TBL1X: variants seen among roughly 807,000 people sequenced by gnomAD.
TBL1X encodes transducin beta like 1 X-linked.
Under a neutral mutation model 50.7 loss-of-function variants are expected in TBL1X, and 10 were observed. The ratio of observed to expected loss-of-function variants is 0.20; its 90% CI spans 0.12 to 0.33. The LOEUF is 0.33. Among genes scored for constraint, TBL1X ranks in the 10% least tolerant of loss-of-function variants. TBL1X has a pLI of 1.00. For missense variants in TBL1X, 340 were observed against 504.4 expected (o/e 0.67, Z 3.12); for synonymous variants, 190 against 214.7 (o/e 0.88, Z 1.01).
chrX:9,504,583 T>A (rs1331491397), intron 2 of TBL1X, among the ~76,000 whole-genome samples: 2 of 112,099 alleles, frequency 1.8e-5, no homozygotes, highest in Non-Finnish European at 3.8e-5. Flanking sequence ...CTAACTAGAA[T>A]AACCAGTTTA....
chrX:9,504,636 C>T (rs1293363890), intron 2 of TBL1X, among the ~76,000 whole-genome samples: 3 of 112,345 alleles, frequency 2.7e-5, no homozygotes, highest in African/African-American at 6.5e-5. Context: ...AAACACAGCA[C>T]GAGAACTTTG....
At chrX:9,659,036 T>C (rs2082881490) in intron 5 of TBL1X, among the ~76,000 whole-genome samples, 1 of 92,676 alleles carries the variant, frequency 1.1e-5, no homozygotes, top group Admixed American at 1.3e-4. Flanking sequence ...TGTTGCCCAA[T>C]CTGGTCTCAA....
chrX:9,555,044 G>A (rs147144299), intron 2 of TBL1X, among the ~76,000 whole-genome samples: 259 of 111,966 alleles, frequency 2.3e-3, no homozygotes, highest in African/African-American at 8.0e-3. Flanking sequence ...GTTCATCCAT[G>A]TCATAGCATG....
chrX:9,481,964 T>C (rs187729657), intron 1 of TBL1X, among the ~76,000 whole-genome samples: 207 of 112,522 alleles, frequency 1.8e-3, no homozygotes, highest in Middle Eastern at 0.014. Flanking sequence ...GCACATAAAT[T>C]AGTCCTAATG....
intron 5 of TBL1X, among the ~76,000 whole-genome samples, chrX:9,665,802 T>G (rs1346018669): frequency 1.9e-5 from 2 of 107,764 alleles, no homozygotes; most frequent in Non-Finnish European, 3.8e-5. Context: ...TCTCAAAATC[T>G]AAGGCTCTGT....
intron 5 of TBL1X, among the ~76,000 whole-genome samples, chrX:9,662,160 TCTC>T (rs1377161963): frequency 2.7e-5 from 3 of 111,365 alleles, no homozygotes; most frequent in East Asian, 5.7e-4. Flanking sequence ...GCTGGGCTGA[TCTC>T]CTCCTGTTGC....
chrX:9,613,134 G>A (rs1216446546), intron 2 of TBL1X, among the ~76,000 whole-genome samples: 1 of 111,591 alleles, frequency 9.0e-6, no homozygotes, highest in Non-Finnish European at 1.9e-5. Context: ...GATAGTTTGT[G>A]GTTATTAATC....
chrX:9,498,793 G>A (rs1013275756), intron 1 of TBL1X, among the ~76,000 whole-genome samples: 3 of 112,392 alleles, frequency 2.7e-5, no homozygotes, highest in East Asian at 2.8e-4. Flanking sequence ...TAGGTTTTGC[G>A]TGCTGTCCGC....
intron 2 of TBL1X, among the ~76,000 whole-genome samples, chrX:9,586,186 C>A (rs1201242776): frequency 1.8e-5 from 2 of 112,357 alleles, no homozygotes; most frequent in Non-Finnish European, 3.8e-5. Flanking sequence ...GAGACACTTA[C>A]ACACTCAGGT....
intron 7 of TBL1X, 50 bp downstream of exon 7, chrX:9,688,325 TTTC>T: frequency 1.9e-6 from 2 of 1,047,636 alleles, no homozygotes; most frequent in Non-Finnish European, 2.5e-6. Flanking sequence ...GGTTCATTGT[TTTC>T]TTCTTGGGCA....
intron 2 of TBL1X, among the ~76,000 whole-genome samples, chrX:9,579,628 C>T (rs764714715): frequency 8.9e-6 from 1 of 111,900 alleles, no homozygotes; most frequent in South Asian, 3.8e-4. Flanking sequence ...ACTGCAGGTT[C>T]ATCCGAGTCA....
intron 2 of TBL1X, among the ~76,000 whole-genome samples, chrX:9,611,320 T>C (rs1334205885): frequency 8.9e-6 from 1 of 112,691 alleles, no homozygotes. Flanking sequence ...TCATTCAGCA[T>C]CATTTGCATC....
chrX:9,688,375 A>G, intron 7 of TBL1X, 100 bp downstream of exon 7: 1 of 761,730 alleles, frequency 1.3e-6, no homozygotes, highest in Non-Finnish European at 1.8e-6. Context: ...CCTGCTATAA[A>G]TGTCTTAGAA....
intron 2 of TBL1X, among the ~76,000 whole-genome samples, chrX:9,616,338 G>C (rs994019735): frequency 8.9e-6 from 1 of 111,848 alleles, no homozygotes; most frequent in Admixed American, 9.5e-5. Flanking sequence ...GTTTGTTTTA[G>C]AGAAATATGT....
intron 2 of TBL1X, among the ~76,000 whole-genome samples, chrX:9,556,185 TAAACAAAAAAA>T (rs1214692030): frequency 2.1e-5 from 2 of 94,708 alleles, no homozygotes; most frequent in East Asian, 6.6e-4. Context: ...AGACTGTGTC[TAAACAAAAAAA>T]AAACAAAACA....
At chrX:9,686,575 C>T (rs1486174041) in intron 6 of TBL1X, among the ~76,000 whole-genome samples, 1 of 112,172 alleles carries the variant, frequency 8.9e-6, no homozygotes, top group African/African-American at 3.2e-5. Flanking sequence ...GGCACATGCT[C>T]GTAACCCCAG....
chrX:9,693,072 G>T (rs2083108887), intron 9 of TBL1X, 77 bp from the exon 10 acceptor site: 1 of 1,076,777 alleles, frequency 9.3e-7, no homozygotes, highest in Non-Finnish European at 1.3e-6. Flanking sequence ...TGGATCCTCG[G>T]AGAGGCTCTC....
intron 2 of TBL1X, among the ~76,000 whole-genome samples, chrX:9,508,082 A>T (rs1028221562): frequency 1.8e-5 from 2 of 112,417 alleles, no homozygotes; most frequent in Non-Finnish European, 3.8e-5. Flanking sequence ...CAAAAGCCAA[A>T]ATTGACAAAT....
At chrX:9,536,255 ATT>A (rs57650078) in intron 2 of TBL1X, among the ~76,000 whole-genome samples, 3 of 98,220 alleles carry the variant, frequency 3.1e-5, no homozygotes, top group Non-Finnish European at 4.1e-5. Context: ...AGAATTGAGC[ATT>A]TTTTTTTTTT....
Sources: gnomAD v4.1 joint callset for allele counts (sites outside exome capture counted in the v4.1 genomes callset) on GRCh38, gnomAD v4.1.1 for gene constraint, MANE v1.5 for transcripts, NCBI Gene and HGNC (gene_info 2026-07-23, HGNC 2026-07-21) for gene names.